The following MAGED1 variants were observed in gnomAD, a reference collection of about 807,000 sequenced individuals.
The protein encoded by MAGED1 is MAGE family member D1, also known as melanoma-associated antigen D1.
In MAGED1, 3 loss-of-function variants were observed where a neutral mutation model predicts 54.1. The observed-to-expected ratio is 0.06, with a 90% CI of 0.03 to 0.14. MAGED1 has a LOEUF of 0.14. Ranked by LOEUF, MAGED1 falls within the 10% of genes least tolerant of loss-of-function variation. The pLI is 1.00. For synonymous variants in MAGED1, 217 were observed against 227.3 expected, an observed-to-expected ratio of 0.95 and a Z score of 0.41; for missense variants, 485 against 623.4, an observed-to-expected ratio of 0.78 and a Z score of 2.36.
At chrX:51,809,289 T>C (rs1449556272) in intron 1 of MAGED1, among the ~76,000 whole-genome samples, 2 of 110,786 alleles carry the variant, frequency 1.8e-5, no homozygotes, top group Non-Finnish European at 3.8e-5. Context: ...TAATTTTTTG[T>C]ATTTTTAGTA....
chrX:51,873,532 T>TGAGAGAGA (rs782364762), intron 1 of MAGED1, among the ~76,000 whole-genome samples: 3 of 28,766 alleles, frequency 1.0e-4, no homozygotes, highest in African/African-American at 4.2e-4. Flanking sequence ...TGTGTGTGTG[T>TGAGAGAGA]GTGAGAGAGA....
chrX:51,822,576 T>A (rs1461815015), intron 1 of MAGED1, among the ~76,000 whole-genome samples: 2 of 110,697 alleles, frequency 1.8e-5, no homozygotes, highest in Non-Finnish European at 3.8e-5. Context: ...TTGCTTTGAG[T>A]TTAGTTTTCT....
chrX:51,896,100 A>G (rs2147019276), intron 3 of MAGED1: 2 of 377,031 alleles, frequency 5.3e-6, no homozygotes, highest in East Asian at 8.4e-5. Context: ...CCAATTTTAC[A>G]AAGAAGGAAA....
chrX:51,812,647 A>G (rs1925263571), intron 1 of MAGED1, among the ~76,000 whole-genome samples: 1 of 111,922 alleles, frequency 8.9e-6, no homozygotes, highest in African/African-American at 3.3e-5. Context: ...CCTTTTATGT[A>G]TTCATTCATC....
At chrX:51,877,671 TATC>T (rs1473647196) in intron 1 of MAGED1, among the ~76,000 whole-genome samples, 11 of 111,244 alleles carry the variant, frequency 9.9e-5, no homozygotes, top group Non-Finnish European at 1.7e-4. Context: ...TATTACACGT[TATC>T]ATAAAGAATT....
chrX:51,896,879 C>G lies in MAGED1; in HGVS notation c.1224C>G (p.Pro408=). 8.3e-7 allele frequency: 1 copy of G among 1,204,785 alleles called. No homozygotes were observed. The highest frequency in any genetic ancestry group is 1.1e-6 in the Non-Finnish European group (1 of 892,231). Residue 408 remains proline, a synonymous_variant, in exon 4 of 13, where the codon CCC becomes CCG. Transcript: ENST00000326587. ...GTCCTCCTGACTGGCCGCTACCACC[C>G]GACTGGCCACTGCCACCTGATTGGC... ...WQGPPDWPLP[P]DWPLPPDWPL...
rs782685654 is a variant in MAGED1 at position 51,895,303 on chromosome X, A to T, written c.296A>T (p.Asn99Ile). Residue 99 changes from asparagine to isoleucine, a missense_variant, in exon 3 of 13, where the codon AAT becomes ATT. Asn to Ile is a moderately radical substitution (Grantham distance 149). Coordinates refer to ENST00000326587, the MANE Select transcript of MAGED1 (RefSeq NM_006986.4). ...NGVYDFSQAH[N>I]AKDVPNTQPK... is the part of the protein sequence containing the mutation. ...GTCTATGATTTCTCTCAGGCTCATA[A>T]TGCCAAGGATGTGCCCAACACGCAG... 1 of 1,210,994 alleles carries T rather than the reference A, an allele frequency of 8.3e-7. No homozygotes were observed. Among genetic ancestry groups the T allele is most frequent in the Non-Finnish European group, 1.1e-6 (1 of 895,104 alleles).
At chrX:51,856,341 T>G (rs1203853255) in intron 1 of MAGED1, among the ~76,000 whole-genome samples, 1 of 111,895 alleles carries the variant, frequency 8.9e-6, no homozygotes, top group Non-Finnish European at 1.9e-5. Context: ...TACTGCAAAA[T>G]TGTTTTCCAG....
intron 1 of MAGED1, among the ~76,000 whole-genome samples, chrX:51,860,878 GT>G (rs1386374911): frequency 9.0e-6 from 1 of 110,965 alleles, no homozygotes; most frequent in East Asian, 2.8e-4. Context: ...CTGCCCTCTT[GT>G]GGCAAGCTGA....
At chrX:51,872,652 G>A (rs148903973) in intron 1 of MAGED1, among the ~76,000 whole-genome samples, 2,584 of 111,848 alleles carry the variant, frequency 0.023, 38 homozygotes, top group Non-Finnish European at 0.04. Context: ...TGAGGTAGGC[G>A]ATCAGCAGGA....
Position 51,893,749 on chromosome X carries a change from AG to A in MAGED1, c.-41del, listed in dbSNP as rs1557363810. 1 of 113,086 alleles carries A rather than the reference AG, an allele frequency of 8.8e-6. No individual in the cohort carries two copies. The highest frequency in any genetic ancestry group is 3.2e-5 in the African/African-American group (1 of 30,849). 9.3% of individuals were successfully genotyped at this position (113,086 alleles called of 1,213,427 possible). A position where few individuals can be genotyped will look rare whatever the true frequency, so the allele number is the denominator to read the frequency against. On this transcript the variant is annotated 5_prime_UTR_variant, in exon 1 of 13. Transcript: ENST00000326587. ...GCGAGGGGGTTGGGGTTGGGGCCTG[AG>A]GCAAGGTGAGAATTAGCCCCCAGAC...
chrX:51,871,879 C>A (rs1218134589), intron 1 of MAGED1, among the ~76,000 whole-genome samples: 2 of 111,725 alleles, frequency 1.8e-5, no homozygotes, highest in Non-Finnish European at 3.8e-5. Context: ...GAACTAGTTT[C>A]CAGTGCCACC....
Position 51,824,862 on chromosome X carries a change from C to CTGTGTGTGTG in MAGED1, c.-37+21775_-37+21784dup, listed in dbSNP as rs58934297. ...CACAGACACACACAGTCTCAGAAAC[C>CTGTGTGTGTG]TGTGTGTGTGTGTGTGTGTGTGTGT... On this transcript the variant is annotated intron_variant, in intron 1 of 12. Coordinates refer to the MAGED1 transcript ENST00000375772. Among the ~76,000 whole-genome samples the CTGTGTGTGTG allele has an allele frequency of 3.9e-3, 281 of 72,643 alleles. 2 individuals carry two copies. Among genetic ancestry groups the CTGTGTGTGTG allele is most frequent in the African/African-American group, 0.014 (262 of 19,156 alleles). The allele number at this position is 72,643 out of a possible 115,157, so 63.1% of individuals were successfully genotyped here. A position where few individuals can be genotyped will look rare whatever the true frequency, so the allele number is the denominator to read the frequency against.
chrX:51,900,323 A>G (rs1557364789), intron 11 of MAGED1, 27 bp downstream of exon 11: 1 of 1,116,823 alleles, frequency 9.0e-7, no homozygotes. Flanking sequence ...TCCAGCATTG[A>G]TAGGTCAAGG....
At chrX:51,841,775 G>T (rs1443405465) in intron 1 of MAGED1, among the ~76,000 whole-genome samples, 1 of 111,662 alleles carries the variant, frequency 9.0e-6, no homozygotes. Context: ...TGAGGGCTCT[G>T]TTCTGTTCCA....
chrX:51,864,566 T>C (rs781917138), intron 1 of MAGED1, among the ~76,000 whole-genome samples: 11 of 111,918 alleles, frequency 9.8e-5, no homozygotes. Flanking sequence ...TTTGACAATA[T>C]TGATTCTTCC....
chrX:51,816,979 A>G (rs1925454158), intron 1 of MAGED1, among the ~76,000 whole-genome samples: 1 of 111,758 alleles, frequency 8.9e-6, no homozygotes, highest in South Asian at 3.7e-4. Flanking sequence ...CCTGTAATCT[A>G]AGGGGAGTTC....
At chrX:51,851,110 A>G (rs1222935164) in intron 1 of MAGED1, among the ~76,000 whole-genome samples, 1 of 111,707 alleles carries the variant, frequency 9.0e-6, no homozygotes, top group Admixed American at 9.5e-5. Context: ...ACTGATTGAC[A>G]GGGATTTGAA....
chrX:51,804,798 A>G (rs1044901984), intron 1 of MAGED1, among the ~76,000 whole-genome samples: 12 of 111,945 alleles, frequency 1.1e-4, no homozygotes, highest in Non-Finnish European at 2.1e-4. Context: ...ATGGGCAGGA[A>G]GGCTTCACTG....
Sources: gnomAD v4.1 joint callset for allele counts (sites outside exome capture counted in the v4.1 genomes callset) on GRCh38, gnomAD v4.1.1 for gene constraint, MANE v1.5 for transcripts, NCBI Gene and HGNC (gene_info 2026-07-23, HGNC 2026-07-21) for gene names.